The following EPHA6 variants were observed in gnomAD, a reference collection of about 807,000 sequenced individuals.
EPHA6 encodes EPH receptor A6, also known as ephrin type-A receptor 6.
In EPHA6, 50 loss-of-function variants were observed where a neutral mutation model predicts 112.0. The ratio of observed to expected loss-of-function variants is 0.45; its 90% CI spans 0.36 to 0.56. The LOEUF is 0.56. Among genes scored for constraint, EPHA6 ranks in the 20% least tolerant of loss-of-function variants. The pLI, the probability that EPHA6 is intolerant of heterozygous loss-of-function variation, is 0.00. For synonymous variants in EPHA6, 529 were observed against 490.7 expected, an observed-to-expected ratio of 1.08 and a Z score of -1.03; for missense variants, 1,280 against 1,417.4, an observed-to-expected ratio of 0.90 and a Z score of 1.56.
intron 14 of EPHA6, among the ~76,000 whole-genome samples, chr3:97,672,476 G>A (rs2030945100): frequency 6.6e-6 from 1 of 152,040 alleles, no homozygotes; most frequent in African/African-American, 2.4e-5. Flanking sequence ...AAGGTGGGGA[G>A]AGGAGTTAGG....
intron 14 of EPHA6, among the ~76,000 whole-genome samples, chr3:97,672,803 G>A (rs2030980127): frequency 6.6e-6 from 1 of 152,166 alleles, no homozygotes; most frequent in Admixed American, 6.5e-5. Flanking sequence ...ACAAGATCAT[G>A]TGAGAGCAGA....
At chr3:97,713,651 G>A (rs912616425) in intron 14 of EPHA6, among the ~76,000 whole-genome samples, 2 of 152,202 alleles carry the variant, frequency 1.3e-5, no homozygotes, top group Non-Finnish European at 2.9e-5. Flanking sequence ...CCATGTGCAT[G>A]CATGCATGTC....
chr3:96,856,588 T>A (rs990030675), intron 1 of EPHA6, among the ~76,000 whole-genome samples: 3 of 152,190 alleles, frequency 2.0e-5, no homozygotes, highest in African/African-American at 7.2e-5. Context: ...ACTAGTGTTA[T>A]AGTTGGCAAT....
At position 97,629,086 on chromosome 3, in the gene EPHA6, G is replaced by A. The variant is rs538224491; in HGVS notation, c.2575-8787G>A. 6.6e-5 allele frequency among the ~76,000 whole-genome samples: 10 copies of A among 151,726 alleles called. No homozygotes were observed. In the East Asian group the frequency reaches 1.2e-3, roughly 18 times the overall value. ...GCTGGGACCACAGGCATACACCACCGCGCTAGCTAATTTTTTATTTTTGTA... is the reference window on the plus strand; with the variant it reads ...GCTGGGACCACAGGCATACACCACCACGCTAGCTAATTTTTTATTTTTGTA... On this transcript the variant is annotated intron_variant, in intron 13 of 17. Coordinates refer to ENST00000389672, the MANE Select transcript of EPHA6 (RefSeq NM_001080448.3).
intron 3 of EPHA6, among the ~76,000 whole-genome samples, chr3:97,192,187 A>C (rs994190237): frequency 2.0e-5 from 3 of 151,756 alleles, no homozygotes; most frequent in Admixed American, 6.6e-5. Context: ...CCCAGGCTGG[A>C]GTGCAGTGGC....
intron 2 of EPHA6, among the ~76,000 whole-genome samples, chr3:96,957,236 A>G (rs983634161): frequency 2.0e-5 from 3 of 152,166 alleles, no homozygotes; most frequent in Non-Finnish European, 2.9e-5. Flanking sequence ...AAAATATGAG[A>G]TCCAAAGAAG....
At chr3:97,174,512 A>G (rs2076781988) in intron 3 of EPHA6, among the ~76,000 whole-genome samples, 1 of 151,850 alleles carries the variant, frequency 6.6e-6, no homozygotes, top group Non-Finnish European at 1.5e-5. Flanking sequence ...TTACATTCCC[A>G]CACAGTATGC....
At chr3:96,983,179 A>T (rs551621361) in intron 2 of EPHA6, among the ~76,000 whole-genome samples, 4 of 152,244 alleles carry the variant, frequency 2.6e-5, no homozygotes, top group Admixed American at 2.6e-4. Context: ...ATGTTTTTGC[A>T]GTGGCTGGTA....
At chr3:96,867,915 T>C (rs1576186500) in intron 2 of EPHA6, among the ~76,000 whole-genome samples, 1 of 151,934 alleles carries the variant, frequency 6.6e-6, no homozygotes, top group African/African-American at 2.4e-5. Context: ...GCCCATTTGC[T>C]TCTTTAAATT....
intron 3 of EPHA6, among the ~76,000 whole-genome samples, chr3:97,062,833 A>G (rs750997976): frequency 3.3e-5 from 5 of 152,170 alleles, no homozygotes; most frequent in Non-Finnish European, 4.4e-5. Context: ...TTTTCTTTGT[A>G]AATTACACAG....
chr3:96,940,614 G>T (rs2040884024), intron 2 of EPHA6, among the ~76,000 whole-genome samples: 1 of 152,096 alleles, frequency 6.6e-6, no homozygotes, highest in Non-Finnish European at 1.5e-5. Context: ...GGTTAATATT[G>T]TTATGTGTGA....
chr3:96,928,516 G>T (rs2040154589), intron 2 of EPHA6, among the ~76,000 whole-genome samples: 1 of 152,162 alleles, frequency 6.6e-6, no homozygotes, highest in South Asian at 2.1e-4. Context: ...TTTTGCATTT[G>T]CTTTGGAGTA....
chr3:97,717,758 C>G (rs1047687832), intron 14 of EPHA6, among the ~76,000 whole-genome samples: 3 of 152,076 alleles, frequency 2.0e-5, no homozygotes, highest in African/African-American at 7.2e-5. Context: ...TGCCATTAAT[C>G]AAATATTCTG....
chr3:97,719,933 TA>T (rs1470563701), intron 14 of EPHA6, among the ~76,000 whole-genome samples: 1 of 152,190 alleles, frequency 6.6e-6, no homozygotes, highest in Non-Finnish European at 1.5e-5. Flanking sequence ...TATTTAGTTT[TA>T]ATGTCCTATA....
chr3:96,866,956 A>G, intron 2 of EPHA6, 67 bp downstream of exon 2: 1 of 914,506 alleles, frequency 1.1e-6, no homozygotes, highest in Non-Finnish European at 1.6e-6. Context: ...TAGTTGATGG[A>G]ACAGTGAATT....
chr3:96,884,659 T>G (rs2037517797), intron 2 of EPHA6, among the ~76,000 whole-genome samples: 1 of 152,118 alleles, frequency 6.6e-6, no homozygotes, highest in Non-Finnish European at 1.5e-5. Context: ...ACGATCATAT[T>G]GTCAGCAAAC....
intron 1 of EPHA6, among the ~76,000 whole-genome samples, chr3:96,833,332 C>T (rs1021516776): frequency 3.4e-4 from 51 of 151,522 alleles, no homozygotes; most frequent in African/African-American, 1.2e-3. Flanking sequence ...GAAAGCCACA[C>T]AAAAAACTAG....
At chr3:97,508,931 G>C (rs1262966909) in intron 10 of EPHA6, among the ~76,000 whole-genome samples, 1 of 89,712 alleles carries the variant, frequency 1.1e-5, no homozygotes, top group African/African-American at 4.1e-5. Context: ...TGTCTTTTTT[G>C]ATTTTTGTTG....
At chr3:96,827,287 G>T (rs2033725774) in intron 1 of EPHA6, among the ~76,000 whole-genome samples, 1 of 152,114 alleles carries the variant, frequency 6.6e-6, no homozygotes, top group Non-Finnish European at 1.5e-5. Flanking sequence ...AGTAAGAACT[G>T]GGATGACTCT....
Sources: gnomAD v4.1 joint callset for allele counts (sites outside exome capture counted in the v4.1 genomes callset) on GRCh38, gnomAD v4.1.1 for gene constraint, MANE v1.5 for transcripts, NCBI Gene and HGNC (gene_info 2026-07-23, HGNC 2026-07-21) for gene names.